The following FAM168A variants were observed in gnomAD, a reference collection of about 807,000 sequenced individuals.
The protein encoded by FAM168A is family with sequence similarity 168 member A.
A neutral mutation model predicts 28.5 loss-of-function variants in FAM168A; 3 were observed. The observed-to-expected ratio is 0.11, with a 90% CI of 0.05 to 0.27. FAM168A has a LOEUF of 0.27. FAM168A is among the 10% of genes least tolerant of loss of function. The pLI is 1.00. For missense variants in FAM168A, 222 were observed against 311.5 expected (o/e 0.71, Z 2.16); for synonymous variants, 122 against 124.2 (o/e 0.98, Z 0.12).
Position 73,484,514 on chromosome 11 carries a change from ATAGATATATATATC to A in FAM168A, c.-18-16036_-18-16023del, listed in dbSNP as rs1272390546. Among the ~76,000 whole-genome samples, 179 of 118,734 alleles carry A rather than the reference ATAGATATATATATC, an allele frequency of 1.5e-3. 2 individuals carry two copies. Among genetic ancestry groups the A allele is most frequent in the African/African-American group, 8.0e-3 (172 of 21,526 alleles). 77.9% of individuals were successfully genotyped at this position (118,734 alleles called of 152,430 possible). A position where few individuals can be genotyped will look rare whatever the true frequency, so the allele number is the denominator to read the frequency against. On this transcript the variant is annotated intron_variant, in intron 1 of 7. Transcript: ENST00000356467. ...GAACTAAGAGGAGAGAGAGATATAT[ATAGATATATATATC>A]TATATATCTATATATCTATCTATAT...
chr11:73,432,401 G>A (rs1867010629), intron 2 of FAM168A, among the ~76,000 whole-genome samples: 1 of 152,134 alleles, frequency 6.6e-6, no homozygotes, highest in Non-Finnish European at 1.5e-5. Flanking sequence ...AGCAATGCAT[G>A]AGAGTTCAAA....
intron 1 of FAM168A, among the ~76,000 whole-genome samples, chr11:73,543,182 A>G (rs56128908): frequency 0.056 from 8,493 of 151,480 alleles, 836 homozygotes; most frequent in African/African-American, 0.2. Context: ...ACTTTATTTT[A>G]TTCACTGCTG....
intron 1 of FAM168A, among the ~76,000 whole-genome samples, chr11:73,536,219 T>C (rs1005254434): frequency 2.0e-5 from 3 of 152,130 alleles, no homozygotes; most frequent in Non-Finnish European, 4.4e-5. Flanking sequence ...AATCACCAGA[T>C]ATACAGGAAA....
At chr11:73,472,524 C>G (rs1867829936) in intron 1 of FAM168A, among the ~76,000 whole-genome samples, 1 of 152,154 alleles carries the variant, frequency 6.6e-6, no homozygotes, top group Non-Finnish European at 1.5e-5. Context: ...TGGGAAGCCA[C>G]TGGACTGTTT....
At chr11:73,419,642 G>A (rs1011564842) in intron 4 of FAM168A, among the ~76,000 whole-genome samples, 15 of 152,300 alleles carry the variant, frequency 9.8e-5, no homozygotes, top group East Asian at 1.9e-4. Context: ...GGCCAGGTGA[G>A]TATTTCCTTC....
intron 1 of FAM168A, among the ~76,000 whole-genome samples, chr11:73,582,988 CAAT>C (rs1272196991): frequency 6.6e-6 from 1 of 152,132 alleles, no homozygotes; most frequent in African/African-American, 2.4e-5. Flanking sequence ...GGGGCAACAA[CAAT>C]GATAGAAGAC....
intron 1 of FAM168A, among the ~76,000 whole-genome samples, chr11:73,508,030 T>A (rs1216325005): frequency 6.6e-6 from 1 of 152,172 alleles, no homozygotes; most frequent in Non-Finnish European, 1.5e-5. Context: ...CATAATTAAT[T>A]GTGTAATCTT....
chr11:73,455,735 A>G (rs1267780089), intron 2 of FAM168A, among the ~76,000 whole-genome samples: 1 of 152,232 alleles, frequency 6.6e-6, no homozygotes, highest in African/African-American at 2.4e-5. Flanking sequence ...GAATTCATCC[A>G]GTCCAGTCAT....
chr11:73,435,030 C>T (rs1305943169), intron 2 of FAM168A, among the ~76,000 whole-genome samples: 2 of 152,220 alleles, frequency 1.3e-5, no homozygotes, highest in Non-Finnish European at 2.9e-5. Flanking sequence ...GGTATTCTGA[C>T]TGACAATGAA....
intron 1 of FAM168A, among the ~76,000 whole-genome samples, chr11:73,472,278 A>C (rs1213817569): frequency 1.3e-5 from 2 of 152,246 alleles, no homozygotes; most frequent in Non-Finnish European, 2.9e-5. Flanking sequence ...CACCTGAATA[A>C]GTTGAAGGAG....
chr11:73,432,673 G>A (rs1160222843), intron 2 of FAM168A, among the ~76,000 whole-genome samples: 7 of 152,038 alleles, frequency 4.6e-5, no homozygotes, highest in Non-Finnish European at 7.4e-5. Flanking sequence ...CAGCACTTTG[G>A]GAGGCTGAGA....
At chr11:73,534,495 T>G (rs1026922410) in intron 1 of FAM168A, among the ~76,000 whole-genome samples, 1 of 151,754 alleles carries the variant, frequency 6.6e-6, no homozygotes, top group Non-Finnish European at 1.5e-5. Context: ...CTCCACCTCC[T>G]GGGTTCAAGC....
At chr11:73,410,890 G>T (rs183681590) in intron 5 of FAM168A, among the ~76,000 whole-genome samples, 1 of 152,162 alleles carries the variant, frequency 6.6e-6, no homozygotes, top group Non-Finnish European at 1.5e-5. Context: ...GGCCCATCAG[G>T]CACAGAAAGA....
At chr11:73,477,767 A>G (rs2134588989) in intron 1 of FAM168A, among the ~76,000 whole-genome samples, 1 of 152,318 alleles carries the variant, frequency 6.6e-6, no homozygotes, top group East Asian at 1.9e-4. Context: ...AAATAAACAC[A>G]TTCCCAGATA....
chr11:73,434,904 C>T (rs1867062683), intron 2 of FAM168A, among the ~76,000 whole-genome samples: 1 of 152,178 alleles, frequency 6.6e-6, no homozygotes, highest in South Asian at 2.1e-4. Context: ...CGTGACATCC[C>T]AAGAACCTTC....
At chr11:73,427,874 G>A (rs1460931653) in intron 3 of FAM168A, among the ~76,000 whole-genome samples, 1 of 152,178 alleles carries the variant, frequency 6.6e-6, no homozygotes, top group Admixed American at 6.5e-5. Flanking sequence ...CCACCATTCA[G>A]ATGGGCCCCC....
At chr11:73,487,207 T>C (rs1868064940) in intron 1 of FAM168A, among the ~76,000 whole-genome samples, 1 of 152,196 alleles carries the variant, frequency 6.6e-6, no homozygotes, top group Non-Finnish European at 1.5e-5. Flanking sequence ...CTTCATCTCC[T>C]GATCTTTTTC....
intron 2 of FAM168A, among the ~76,000 whole-genome samples, chr11:73,438,975 T>C (rs933791079): frequency 2.7e-5 from 4 of 145,808 alleles, no homozygotes; most frequent in Admixed American, 6.8e-5. Flanking sequence ...TTTTCTTTGA[T>C]AGGCAGAAGG....
At chr11:73,444,430 CAAGCTGGACA>C (rs1202468078) in intron 2 of FAM168A, among the ~76,000 whole-genome samples, 3 of 152,226 alleles carry the variant, frequency 2.0e-5, no homozygotes, top group Non-Finnish European at 4.4e-5. Flanking sequence ...TGACCAAGCA[CAAGCTGGACA>C]AAAGCAAGCT....
Sources: allele counts gnomAD v4.1 joint callset (sites outside exome capture counted in the v4.1 genomes callset), GRCh38; gene constraint gnomAD v4.1.1; transcripts MANE v1.5; gene names NCBI Gene and HGNC (gene_info 2026-07-23, HGNC 2026-07-21).